MROH1: variants seen among roughly 807,000 people sequenced by gnomAD.
MROH1 encodes maestro heat like repeat family member 1, also known as maestro heat-like repeat-containing protein family member 1.
MROH1 carries 117 observed loss-of-function variants against 116.5 expected under a neutral mutation model. The ratio of observed to expected loss-of-function variants is 1.00; its 90% CI spans 0.86 to 1.17. MROH1 has a LOEUF of 1.17. Ranked by LOEUF, MROH1 falls within the 50% of genes most tolerant of loss-of-function variation. MROH1 has a pLI of 0.00. For synonymous variants in MROH1, 921 were observed against 583.9 expected (o/e 1.58, Z -8.32); for missense variants, 1,873 against 1,338.5 (o/e 1.40, Z -6.23).
chr8:144,184,898 A>C (rs1826562761), intron 7 of MROH1, among the ~76,000 whole-genome samples: 1 of 152,210 alleles, frequency 6.6e-6, no homozygotes, highest in Non-Finnish European at 1.5e-5. Flanking sequence ...ACCTCCACCC[A>C]GGGCAGAAGG....
At chr8:144,218,126 C>T (rs1221217674) in intron 12 of MROH1, among the ~76,000 whole-genome samples, 2 of 152,168 alleles carry the variant, frequency 1.3e-5, no homozygotes, top group Non-Finnish European at 2.9e-5. Flanking sequence ...AGCCAGCGCC[C>T]CGTCAGCCCC....
rs777631721 is a variant in MROH1 at position 144,191,669 on chromosome 8, G to A, written c.715-46G>A. ...TTGCTGGACATGCTCTGAGCAGTCGGTGTTGACTGAGCAGCGTAAGCTTCC... is the reference window on the plus strand; with the variant it reads ...TTGCTGGACATGCTCTGAGCAGTCGATGTTGACTGAGCAGCGTAAGCTTCC... On this transcript the variant is annotated intron_variant, in intron 8 of 43. Coordinates refer to ENST00000326134, the MANE Select transcript of MROH1 (RefSeq NM_032450.3). 6 of 1,604,304 alleles carry A rather than the reference G, an allele frequency of 3.7e-6. No homozygotes were observed. In the African/African-American group the frequency reaches 4.0e-5, roughly 11 times the overall value.
At chr8:144,215,295 T>C (rs930171093) in intron 12 of MROH1, among the ~76,000 whole-genome samples, 2 of 152,218 alleles carry the variant, frequency 1.3e-5, no homozygotes, top group Admixed American at 1.3e-4. Flanking sequence ...TTTTGAACAC[T>C]GACATCATGA....
At chr8:144,259,153 C>T (rs1447492898) in intron 36 of MROH1, 87 bp from the exon 37 acceptor site, 10 of 697,844 alleles carry the variant, frequency 1.4e-5, no homozygotes, top group East Asian at 2.7e-5. Context: ...GGCGGTGGAG[C>T]GGACCAGGGC....
chr8:144,199,332 G>C (rs962673901), intron 11 of MROH1, 132 bp downstream of exon 11: 2 of 892,476 alleles, frequency 2.2e-6, no homozygotes, highest in Admixed American at 4.4e-5. Context: ...CACCTCTCCT[G>C]GGCCTACCTG....
rs12545795 is a variant in MROH1, at chr8:144,163,886, C to T, written c.22+38C>T. 9.1e-4 allele frequency: 1,466 copies of T among 1,611,414 alleles called. No homozygotes were observed. The highest frequency in any genetic ancestry group is 8.8e-4 in the Non-Finnish European group (1,038 of 1,178,164). The stretch of plus-strand genomic sequence containing the variant: ...GGATTGGGAGTGGCCGGGTGTGAGG[C>T]CTCTCTTGCCTCTGGGTGGTCAGGG... On this transcript the variant is annotated intron_variant, in intron 3 of 43. Transcript: ENST00000326134. This position sits in a 1 kb window ranked among gnomAD's most constrained non-coding sequence, Gnocchi z 4.4.
intron 11 of MROH1, 84 bp from the exon 12 acceptor site, chr8:144,200,344 C>G: frequency 9.1e-7 from 1 of 1,103,112 alleles, no homozygotes; most frequent in Non-Finnish European, 1.3e-6. Flanking sequence ...TCTGGCTCCT[C>G]CCCTGTGCTG....
At position 144,212,076 on chromosome 8, in the gene MROH1, T is replaced by G. The variant is rs75128273; in HGVS notation, c.1142-8524T>G. Among the ~76,000 whole-genome samples, 10 of 151,206 alleles carry G rather than the reference T, an allele frequency of 6.6e-5. No individual in the cohort carries two copies. In the East Asian group the frequency reaches 7.8e-4, roughly 12 times the overall value. Reference sequence around the variant, plus strand: ...CTTTTAGTGAGAAGCTGTGTTGTTTTTTTGTTTGTTTGTTTGTTTGTTTTT... The same window carrying G: ...CTTTTAGTGAGAAGCTGTGTTGTTTGTTTGTTTGTTTGTTTGTTTGTTTTT... On this transcript the variant is annotated intron_variant, in intron 12 of 43. Transcript: ENST00000326134.
chr8:144,185,502 C>T (rs1407936334), intron 7 of MROH1, among the ~76,000 whole-genome samples: 2 of 135,550 alleles, frequency 1.5e-5, no homozygotes, highest in African/African-American at 5.7e-5. Context: ...GTGAGGACAG[C>T]GAGGGGTGGC....
chr8:144,196,355 GTTATTA>G (rs1340256779), intron 10 of MROH1, among the ~76,000 whole-genome samples: 1 of 150,570 alleles, frequency 6.6e-6, no homozygotes, highest in African/African-American at 2.4e-5. Context: ...CTACGCTTTT[GTTATTA>G]TTATTATTAT....
At chr8:144,241,248 CAG>C (rs1265197130) in intron 21 of MROH1, 137 bp downstream of exon 21, 9 of 689,702 alleles carry the variant, frequency 1.3e-5, no homozygotes, top group East Asian at 2.7e-5. Flanking sequence ...TGCGTATATG[CAG>C]AGAGGGTGTG....
intron 37 of MROH1, 89 bp from the exon 38 acceptor site, chr8:144,259,822 G>T: frequency 1.4e-6 from 1 of 707,684 alleles, no homozygotes; most frequent in African/African-American, 1.7e-5. Context: ...CACCGGCGTG[G>T]GGACAGCCTC....
chr8:144,201,707 A>G (rs11136259), intron 12 of MROH1, among the ~76,000 whole-genome samples: 150,499 of 152,286 alleles, frequency 0.99, 74,386 homozygotes, highest in East Asian at 1. Flanking sequence ...GGACATATAG[A>G]AGCAGCGTGA....
At chr8:144,188,225 A>G (rs918791194) in intron 7 of MROH1, among the ~76,000 whole-genome samples, 3 of 152,256 alleles carry the variant, frequency 2.0e-5, no homozygotes. Flanking sequence ...AGAACTGCAG[A>G]TGAACATCAC....
intron 35 of MROH1, among the ~76,000 whole-genome samples, chr8:144,256,724 C>T (rs1037371417): frequency 6.6e-6 from 1 of 152,358 alleles, no homozygotes; most frequent in East Asian, 1.9e-4. Context: ...TGGGTCGGAC[C>T]CTTGTGGGTG....
chr8:144,220,392 C>T (rs1004137792), intron 12 of MROH1, among the ~76,000 whole-genome samples: 1 of 152,234 alleles, frequency 6.6e-6, no homozygotes, highest in African/African-American at 2.4e-5. Context: ...CCTAAACTAC[C>T]AGCCACTTAG....
Position 144,261,635 on chromosome 8 carries a change from C to T in MROH1, c.4841-20C>T, listed in dbSNP as rs1428843155. The T allele has an allele frequency of 4.3e-6, 3 of 705,840 alleles. No individual in the cohort carries two copies. The highest frequency in any genetic ancestry group is 7.7e-6 in the Non-Finnish European group (3 of 387,484). 43.7% of individuals were successfully genotyped at this position (705,840 alleles called of 1,614,324 possible). ...TGCCGAGGTCACAGCCCGCAGGCAG[C>T]CCCCCTCCTCTACCCCCAGCGCTCC... On this transcript the variant is annotated intron_variant, in intron 43 of 43. Transcript: ENST00000326134.
At chr8:144,171,023 TG>T (rs1184475306) in intron 4 of MROH1, among the ~76,000 whole-genome samples, 1 of 152,170 alleles carries the variant, frequency 6.6e-6, no homozygotes, top group East Asian at 1.9e-4. Context: ...TGTGACCAAA[TG>T]GGGGGGATTT....
intron 12 of MROH1, among the ~76,000 whole-genome samples, chr8:144,203,477 G>T (rs1382236596): frequency 1.3e-5 from 2 of 151,330 alleles, no homozygotes; most frequent in East Asian, 3.9e-4. Flanking sequence ...GGAGGGAAGC[G>T]CAGGCTATCT....
Sources: allele counts gnomAD v4.1 joint callset (sites outside exome capture counted in the v4.1 genomes callset), GRCh38; gene constraint gnomAD v4.1.1; non-coding constraint Gnocchi (gnomAD v3.1); transcripts MANE v1.5; gene names NCBI Gene and HGNC (gene_info 2026-07-23, HGNC 2026-07-21).